The following ZFAT variants were observed in gnomAD, a reference collection of about 807,000 sequenced individuals.
ZFAT encodes zinc finger protein ZFAT.
In ZFAT, 64 loss-of-function variants were observed where a neutral mutation model predicts 117.7. That is an observed-to-expected ratio of 0.54 (90% CI 0.44 to 0.67). ZFAT has a LOEUF of 0.67. Among genes scored for constraint, ZFAT ranks in the 30% least tolerant of loss-of-function variants. ZFAT has a pLI of 0.00. For synonymous variants in ZFAT, 679 were observed against 615.0 expected (o/e 1.10, Z -1.54); for missense variants, 1,433 against 1,584.5 (o/e 0.90, Z 1.62).
intron 15 of ZFAT, among the ~76,000 whole-genome samples, chr8:134,479,950 CT>C (rs35032412): frequency 0.18 from 22,357 of 123,196 alleles, 1,071 homozygotes; most frequent in African/African-American, 0.27. Flanking sequence ...TTCAACCACA[CT>C]TTTTTTTTTT....
At chr8:134,503,778 T>C (rs2130301111) in intron 15 of ZFAT, among the ~76,000 whole-genome samples, 1 of 152,258 alleles carries the variant, frequency 6.6e-6, no homozygotes, top group South Asian at 2.1e-4. Context: ...ACACTGGCCC[T>C]TCCTGTGTCC....
intron 1 of ZFAT, among the ~76,000 whole-genome samples, chr8:134,708,377 G>T (rs889139475): frequency 2.6e-5 from 4 of 151,946 alleles, no homozygotes; most frequent in Admixed American, 2.6e-4. Context: ...ATGTTAATTA[G>T]CTTGATTTAA....
Position 134,608,594 on chromosome 8 carries a change from C to G in ZFAT, c.785+135G>C, listed in dbSNP as rs914099481. ...TGGAGGGGTAATTCTACTGCTGAAT[C>G]AAGGAGTCAGTATCTCTTATAAACA... On this transcript the variant is annotated intron_variant, in intron 5 of 15. Coordinates refer to ENST00000377838, the MANE Select transcript of ZFAT (RefSeq NM_020863.4). 1.5e-5 allele frequency: 16 copies of G among 1,088,200 alleles called. No individual in the cohort carries two copies. The African/African-American group carries it at 2.5e-4, about 17-fold the overall frequency. 67.4% of individuals were successfully genotyped at this position (1,088,200 alleles called of 1,614,324 possible).
At chr8:134,632,156 T>C (rs929808097) in intron 3 of ZFAT, among the ~76,000 whole-genome samples, 3 of 152,180 alleles carry the variant, frequency 2.0e-5, no homozygotes, top group Admixed American at 6.5e-5. Context: ...ACCCCTCCTC[T>C]TTCTCCTCAG....
the ZFAT span, among the ~76,000 whole-genome samples, chr8:134,822,172 GTTAATA>G: frequency 9.5e-4 from 145 of 152,246 alleles, no homozygotes; most frequent in Admixed American, 1.7e-3. Flanking sequence ...AAAAAAATTT[GTTAATA>G]TTAAGAGTTA....
chr8:134,669,294 C>G lies in ZFAT; in HGVS notation c.20-11557G>C, dbSNP rs958150033. Reference sequence around the variant, plus strand: ...TCAAGAAGAGCAGCTCCAAGACAAACAATTGTCAGATTCACCAAAGTTGAA... The same window carrying G: ...TCAAGAAGAGCAGCTCCAAGACAAAGAATTGTCAGATTCACCAAAGTTGAA... On this transcript the variant is annotated intron_variant, in intron 1 of 15. Coordinates refer to ENST00000377838, the MANE Select transcript of ZFAT (RefSeq NM_020863.4). 2.0e-5 allele frequency among the ~76,000 whole-genome samples: 3 copies of G among 152,028 alleles called. No individual in the cohort carries two copies. The South Asian group carries it at 6.2e-4, about 32-fold the overall frequency.
At chr8:134,810,833 C>A in the ZFAT span, among the ~76,000 whole-genome samples, 6 of 152,038 alleles carry the variant, frequency 3.9e-5, no homozygotes, top group Admixed American at 3.9e-4. Flanking sequence ...GAAAACCTTC[C>A]CCCTGAAAGT....
chr8:134,795,965 G>C, the ZFAT span: 1 of 152,132 alleles, frequency 6.6e-6, no homozygotes, highest in Non-Finnish European at 1.5e-5. Context: ...GAACCTTAAC[G>C]TAATGAAGCC....
At chr8:134,752,885 C>G in the ZFAT span, among the ~76,000 whole-genome samples, 1 of 152,162 alleles carries the variant, frequency 6.6e-6, no homozygotes, top group African/African-American at 2.4e-5. Flanking sequence ...GGCCCCATCT[C>G]CAAATACCAT....
At chr8:134,782,106 A>G in the ZFAT span, among the ~76,000 whole-genome samples, 132 of 152,340 alleles carry the variant, frequency 8.7e-4, 1 homozygote, top group Non-Finnish European at 2.1e-4. Context: ...ATTATAAACC[A>G]GGGGTGGATT....
chr8:134,709,612 T>C (rs1039330225), intron 1 of ZFAT, among the ~76,000 whole-genome samples: 2 of 152,212 alleles, frequency 1.3e-5, no homozygotes, highest in African/African-American at 4.8e-5. Flanking sequence ...AATCAGCCCA[T>C]CTTGGTGCAG....
At chr8:134,701,042 TTAAC>T (rs1484030030) in intron 1 of ZFAT, among the ~76,000 whole-genome samples, 1 of 152,176 alleles carries the variant, frequency 6.6e-6, no homozygotes, top group Non-Finnish European at 1.5e-5. Flanking sequence ...ATGTACCATC[TTAAC>T]TATTTGTAGG....
chr8:134,508,077 A>G (rs1027837811), intron 15 of ZFAT, among the ~76,000 whole-genome samples: 2 of 151,134 alleles, frequency 1.3e-5, no homozygotes, highest in African/African-American at 4.8e-5. Context: ...CCCCCTGCCT[A>G]CTCTCCAGCT....
intron 1 of ZFAT, among the ~76,000 whole-genome samples, chr8:134,658,350 A>AAAAAAAAAAAT (rs1831748849): frequency 6.6e-6 from 1 of 151,366 alleles, no homozygotes; most frequent in South Asian, 2.1e-4. Flanking sequence ...AAAAAAAAAA[A>AAAAAAAAAAAT]TTTGCAACTT....
the ZFAT span, among the ~76,000 whole-genome samples, chr8:134,736,907 G>A: frequency 1.3e-5 from 2 of 151,018 alleles, no homozygotes; most frequent in African/African-American, 5.0e-5. Flanking sequence ...TCTCTTATTG[G>A]ATTGTATATA....
chr8:134,790,916 T>C, the ZFAT span, among the ~76,000 whole-genome samples: 1 of 151,722 alleles, frequency 6.6e-6, no homozygotes, highest in Non-Finnish European at 1.5e-5. Context: ...TCGGGAGGCT[T>C]ACATGGGAGG....
rs369681716 is a variant in ZFAT, at chr8:134,555,081, A to T, written c.2976+10252T>A. Among the ~76,000 whole-genome samples, 39 of 152,368 alleles carry T rather than the reference A, an allele frequency of 2.6e-4. No individual in the cohort carries two copies. The South Asian group carries it at 8.1e-3, about 32-fold the overall frequency. On this transcript the variant is annotated intron_variant, in intron 11 of 15. Coordinates refer to ENST00000377838, the MANE Select transcript of ZFAT (RefSeq NM_020863.4). Reference sequence around the variant, plus strand: ...TATTATAGTAAAAGAATACAAAGCAAAATCAGCAAAGGGAAGAGGCACACG... The same window carrying T: ...TATTATAGTAAAAGAATACAAAGCATAATCAGCAAAGGGAAGAGGCACACG...
rs930532857 is a variant in ZFAT, at chr8:134,600,249, G to T, written c.2475+187C>A. On this transcript the variant is annotated intron_variant, in intron 7 of 15. Transcript: ENST00000377838. ...ATTCCATCTAATCTCTTTTTTCAAC[G>T]TATTAGAGACTCTTGCTGTGAAAGG... 7 of 658,690 alleles carry T rather than the reference G, an allele frequency of 1.1e-5. No homozygotes were observed. In the East Asian group the frequency reaches 1.3e-4, roughly 12 times the overall value. 40.8% of individuals were successfully genotyped at this position (658,690 alleles called of 1,614,324 possible).
the ZFAT span, among the ~76,000 whole-genome samples, chr8:134,821,549 TAA>T: frequency 2.8e-4 from 40 of 140,962 alleles, no homozygotes; most frequent in Non-Finnish European, 2.0e-4. Flanking sequence ...GCATGCGGTT[TAA>T]AAAAAAAAAA....
Sources: allele counts gnomAD v4.1 joint callset (sites outside exome capture counted in the v4.1 genomes callset), GRCh38; gene constraint gnomAD v4.1.1; transcripts MANE v1.5; gene names NCBI Gene and HGNC (gene_info 2026-07-23, HGNC 2026-07-21).